Variants in DLGAP1 observed in about 807,000 individuals in gnomAD.
DLGAP1 encodes disks large-associated protein 1.
DLGAP1 carries 11 observed loss-of-function variants against 90.8 expected under a neutral mutation model. That is an observed-to-expected ratio of 0.12 (90% CI 0.08 to 0.20). The LOEUF is 0.20. DLGAP1 is among the 10% of genes least tolerant of loss of function. The pLI is 1.00. For missense variants in DLGAP1, 1,050 were observed against 1,333.8 expected (o/e 0.79, Z 3.31); for synonymous variants, 558 against 540.7 (o/e 1.03, Z -0.44).
At chr18:3,597,465 G>A (rs1431785036) in intron 7 of DLGAP1, 3 of 356,714 alleles carry the variant, frequency 8.4e-6, no homozygotes, top group East Asian at 1.5e-4. Flanking sequence ...AGTAAGTGGG[G>A]TGGCTGTGCA....
intron 1 of DLGAP1, among the ~76,000 whole-genome samples, chr18:4,436,425 C>T (rs781672968): frequency 2.6e-5 from 4 of 151,930 alleles, no homozygotes; most frequent in Non-Finnish European, 4.4e-5. Flanking sequence ...CAAACTAGGG[C>T]CTGAGAATAT....
chr18:4,103,354 T>C (rs1208795106), intron 2 of DLGAP1, among the ~76,000 whole-genome samples: 1 of 152,148 alleles, frequency 6.6e-6, no homozygotes, highest in Non-Finnish European at 1.5e-5. Flanking sequence ...AGTTTAATAG[T>C]TGTCTTCAAT....
At chr18:4,266,314 T>C (rs1361875633) in intron 1 of DLGAP1, among the ~76,000 whole-genome samples, 1 of 152,210 alleles carries the variant, frequency 6.6e-6, no homozygotes, top group Non-Finnish European at 1.5e-5. Flanking sequence ...CATGAATAGA[T>C]TCCACTAATC....
chr18:4,434,814 G>A (rs1203488914), intron 1 of DLGAP1, among the ~76,000 whole-genome samples: 2 of 152,178 alleles, frequency 1.3e-5, no homozygotes, highest in Non-Finnish European at 2.9e-5. Context: ...CTGCCATGCA[G>A]AAAAGGAAGT....
At chr18:4,197,864 C>T (rs1350225424) in intron 1 of DLGAP1, among the ~76,000 whole-genome samples, 2 of 152,082 alleles carry the variant, frequency 1.3e-5, no homozygotes, top group Admixed American at 6.5e-5. Context: ...TTTCCCAGGG[C>T]CCTCATAGTT....
chr18:4,320,303 T>G (rs2080647240), intron 1 of DLGAP1, among the ~76,000 whole-genome samples: 1 of 152,148 alleles, frequency 6.6e-6, no homozygotes, highest in Admixed American at 6.5e-5. Flanking sequence ...ATTTGATGAG[T>G]TCCCTTTTTG....
intron 1 of DLGAP1, among the ~76,000 whole-genome samples, chr18:4,332,235 C>T (rs958413221): frequency 4.0e-5 from 6 of 151,766 alleles, no homozygotes; most frequent in Admixed American, 6.6e-5. Flanking sequence ...TATACATGTA[C>T]GGTTAACAAG....
chr18:3,586,122 C>T (rs558566373), intron 7 of DLGAP1, among the ~76,000 whole-genome samples: 1 of 152,304 alleles, frequency 6.6e-6, no homozygotes, highest in Non-Finnish European at 1.5e-5. Context: ...CATGGTTAGA[C>T]TGGACAGGGA....
At chr18:3,950,941 C>G (rs547380652) in intron 3 of DLGAP1, among the ~76,000 whole-genome samples, 1 of 152,154 alleles carries the variant, frequency 6.6e-6, no homozygotes, top group Non-Finnish European at 1.5e-5. Flanking sequence ...CAAGGAATGA[C>G]AAGACTGGAG....
chr18:3,717,637 CA>C (rs2061810735), intron 7 of DLGAP1, among the ~76,000 whole-genome samples: 1 of 152,084 alleles, frequency 6.6e-6, no homozygotes, highest in Non-Finnish European at 1.5e-5. Flanking sequence ...ACTGAAAAAA[CA>C]GTAAAGAATT....
chr18:4,362,726 T>C (rs559733780), intron 1 of DLGAP1, among the ~76,000 whole-genome samples: 6 of 152,274 alleles, frequency 3.9e-5, no homozygotes, highest in African/African-American at 7.2e-5. Flanking sequence ...ACGTTTAAGA[T>C]AGTAAATTAT....
intron 1 of DLGAP1, among the ~76,000 whole-genome samples, chr18:4,201,814 T>C (rs9955866): frequency 0.086 from 13,054 of 152,008 alleles, 1,612 homozygotes; most frequent in African/African-American, 0.27. Context: ...TATTAAAAAG[T>C]CAAAAACCAA....
At chr18:3,623,946 G>A (rs1285816763) in intron 7 of DLGAP1, among the ~76,000 whole-genome samples, 1 of 152,150 alleles carries the variant, frequency 6.6e-6, no homozygotes, top group Non-Finnish European at 1.5e-5. Flanking sequence ...GGTTCAGTGG[G>A]ATCTGGTACT....
At chr18:4,063,116 AG>A (rs1261620226) in intron 2 of DLGAP1, among the ~76,000 whole-genome samples, 1 of 152,142 alleles carries the variant, frequency 6.6e-6, no homozygotes, top group African/African-American at 2.4e-5. Context: ...TTTATAAAAA[AG>A]CTTGGTATCC....
intron 5 of DLGAP1, among the ~76,000 whole-genome samples, chr18:3,766,757 C>G (rs2064263026): frequency 6.6e-6 from 1 of 151,934 alleles, no homozygotes; most frequent in African/African-American, 2.4e-5. Context: ...GGAAAATAAA[C>G]AAATACACTG....
intron 7 of DLGAP1, among the ~76,000 whole-genome samples, chr18:3,611,483 C>A (rs1009653712): frequency 6.6e-6 from 1 of 152,164 alleles, no homozygotes; most frequent in South Asian, 2.1e-4. Context: ...AGATTCCCTA[C>A]GTTCTAGTTA....
At chr18:4,213,593 C>G (rs1312352840) in intron 1 of DLGAP1, among the ~76,000 whole-genome samples, 1 of 152,052 alleles carries the variant, frequency 6.6e-6, no homozygotes, top group Non-Finnish European at 1.5e-5. Flanking sequence ...CATTTTATAT[C>G]AGAAATGTCA....
At chr18:4,161,649 G>C (rs1276207278) in intron 1 of DLGAP1, among the ~76,000 whole-genome samples, 1 of 152,068 alleles carries the variant, frequency 6.6e-6, no homozygotes, top group Non-Finnish European at 1.5e-5. Context: ...TCATTTGTTA[G>C]AGCCAAATTT....
chr18:3,623,490 G>A lies in DLGAP1; in HGVS notation c.1592-41242C>T, dbSNP rs73381290. Among the ~76,000 whole-genome samples the A allele has an allele frequency of 4.7e-3, 723 of 152,230 alleles. 6 individuals are homozygous for A. The highest frequency in any genetic ancestry group is 0.016 in the African/African-American group (684 of 41,550). ...TCTTCTTGAAGTTCTTCAAGGCCGT[G>A]TGAAAAGGAAAAGCCAGCCGGGCAC... On this transcript the variant is annotated intron_variant, in intron 7 of 12. Transcript: ENST00000315677.
Sources: allele counts gnomAD v4.1 joint callset (sites outside exome capture counted in the v4.1 genomes callset), GRCh38; gene constraint gnomAD v4.1.1; transcripts MANE v1.5; gene names NCBI Gene and HGNC (gene_info 2026-07-23, HGNC 2026-07-21).